Variants in COL15A1 observed in about 807,000 individuals in gnomAD.
COL15A1 encodes collagen type XV alpha 1 chain.
Under a neutral mutation model 165.9 loss-of-function variants are expected in COL15A1, and 111 were observed. The observed-to-expected ratio is 0.67, with a 90% CI of 0.57 to 0.78. COL15A1 has a LOEUF of 0.78. Ranked by LOEUF, COL15A1 falls within the 30% of genes least tolerant of loss-of-function variation. The pLI, the probability that COL15A1 is intolerant of heterozygous loss-of-function variation, is 0.00. For missense variants in COL15A1, 1,745 were observed against 1,789.7 expected (o/e 0.98, Z 0.45); for synonymous variants, 659 against 674.8 (o/e 0.98, Z 0.36).
intron 10 of COL15A1, 90 bp downstream of exon 10, chr9:99,015,656 A>T: frequency 7.8e-7 from 1 of 1,280,296 alleles, no homozygotes; most frequent in South Asian, 1.3e-5. Flanking sequence ...TGGCAGGGGC[A>T]CCTGTAGCTT....
chr9:98,945,935 C>A lies in COL15A1; in HGVS notation c.100+1685C>A, dbSNP rs1398689666. Among the ~76,000 whole-genome samples the A allele has an allele frequency of 2.0e-5, 3 of 152,122 alleles. No individual in the cohort carries two copies. The East Asian group carries it at 5.8e-4, about 29-fold the overall frequency. ...AGTGTCAGGGCTGTTGTTTCTAACA[C>A]AAAGGAAGCCCTATTCCCATTTATA... On this transcript the variant is annotated intron_variant, in intron 2 of 41. Transcript: ENST00000375001.
At chr9:99,019,511 G>A (rs373852651) in intron 11 of COL15A1, among the ~76,000 whole-genome samples, 38 of 151,926 alleles carry the variant, frequency 2.5e-4, no homozygotes, top group South Asian at 6.2e-4. Flanking sequence ...CGCTGCACCC[G>A]TCCTCTAGGA....
In COL15A1 at chr9:99,048,045, G is replaced by A. The variant is rs998227149; in HGVS notation, c.2793+45G>A. The A allele has an allele frequency of 2.0e-5, 21 of 1,068,452 alleles. No individual in the cohort carries two copies. The East Asian group carries it at 5.1e-4, about 26-fold the overall frequency. The allele number at this position is 1,068,452 out of a possible 1,614,324, so 66.2% of individuals were successfully genotyped here. On this transcript the variant is annotated intron_variant, in intron 28 of 41. Coordinates refer to ENST00000375001, the MANE Select transcript of COL15A1 (RefSeq NM_001855.5). ...GAGCCGGAGGTTGGTGTCCAGAGAG[G>A]GTGAGAGAGTGTGGGGTCCACAGAG...
chr9:99,057,656 G>A (rs1158156476), intron 35 of COL15A1, among the ~76,000 whole-genome samples: 3 of 152,210 alleles, frequency 2.0e-5, no homozygotes, highest in African/African-American at 7.2e-5. Flanking sequence ...CAGCTAATAA[G>A]TGACACCAAC....
intron 5 of COL15A1, among the ~76,000 whole-genome samples, chr9:98,992,832 T>C: frequency 6.6e-6 from 1 of 152,006 alleles, no homozygotes; most frequent in East Asian, 1.9e-4. Flanking sequence ...GCTTGGACCC[T>C]CCCCAGGACC....
intron 8 of COL15A1, 50 bp downstream of exon 8, chr9:99,003,637 G>T: frequency 2.1e-6 from 3 of 1,445,504 alleles, no homozygotes. Flanking sequence ...TGGGGTTGTG[G>T]GTTGTGTTGG....
rs762781817 is a variant in COL15A1 at position 99,069,675 on chromosome 9, C to T, written c.3956C>T (p.Pro1319Leu). ...AACATGACAAAATTACTTTATAGGCCCCAGAAAGTCATTTGGCATGGCTCC... is the reference window on the plus strand; with the variant it reads ...AACATGACAAAATTACTTTATAGGCTCCAGAAAGTCATTTGGCATGGCTCC... ...GRDIMTDPSW[P>L]QKVIWHGSSP... The change falls in exon 42 of 42, where the codon CCC becomes CTC. Residue 1319 changes from proline (P) to leucine (L), a missense_variant and splice_region_variant. Pro to Leu is a moderately conservative substitution (Grantham distance 98, BLOSUM62 -3). Transcript: ENST00000375001. 1.3e-5 allele frequency: 20 copies of T among 1,595,930 alleles called. No homozygotes were observed. The highest frequency in any genetic ancestry group is 1.6e-5 in the Non-Finnish European group (19 of 1,166,602).
In COL15A1 at chr9:99,036,903, G is replaced by C. The variant is rs1415831184; in HGVS notation, c.2409+507G>C. Reference sequence around the variant, plus strand: ...AGATCTGAAGGAAAGAAGTGTGGCTGAGCTGGGCATGCCCCTTGGTGCTTC... The same window carrying C: ...AGATCTGAAGGAAAGAAGTGTGGCTCAGCTGGGCATGCCCCTTGGTGCTTC... On this transcript the variant is annotated intron_variant, in intron 21 of 41. Transcript: ENST00000375001. Among the ~76,000 whole-genome samples the C allele has an allele frequency of 2.0e-5, 3 of 152,316 alleles. No homozygotes were observed. In the East Asian group the frequency reaches 5.8e-4, roughly 29 times the overall value.
At chr9:98,949,166 A>T (rs1046295876) in intron 2 of COL15A1, among the ~76,000 whole-genome samples, 1 of 152,150 alleles carries the variant, frequency 6.6e-6, no homozygotes, top group Non-Finnish European at 1.5e-5. Context: ...TTCATGTCTG[A>T]TTCTTTCAAT....
intron 2 of COL15A1, among the ~76,000 whole-genome samples, chr9:98,970,515 G>A (rs1209634892): frequency 2.0e-5 from 3 of 152,236 alleles, no homozygotes; most frequent in Admixed American, 6.5e-5. Flanking sequence ...CAGACTTTCT[G>A]TGGGCTCCTC....
intron 35 of COL15A1, 147 bp from the exon 36 acceptor site, chr9:99,059,742 A>G (rs1190041636): frequency 3.9e-6 from 3 of 777,200 alleles, no homozygotes; most frequent in South Asian, 1.8e-5. Context: ...CGCTGGGGGC[A>G]CAGCACCCAA....
intron 2 of COL15A1, among the ~76,000 whole-genome samples, chr9:98,950,758 G>T (rs1837674181): frequency 6.6e-6 from 1 of 151,824 alleles, no homozygotes; most frequent in Non-Finnish European, 1.5e-5. Context: ...GAGACTACAG[G>T]CATGCCCAGC....
chr9:99,020,401 CAT>C lies in COL15A1; in HGVS notation c.1661_1662del (p.His554ArgfsTer15). 6 of 1,613,282 alleles carry C rather than the reference CAT, an allele frequency of 3.7e-6. No individual in the cohort carries two copies. Among genetic ancestry groups the C allele is most frequent in the Non-Finnish European group, 5.1e-6 (6 of 1,179,246 alleles). On this transcript the variant is annotated frameshift_variant, in exon 12 of 42. Transcript: ENST00000375001. LOFTEE classifies it high-confidence loss of function. ...ERWITPAQREHVGMKGQAGPK... is the reference protein window; with the variant it reads ...ERWITPAQREXVGMKGQAGPK... ...CTTCTTCTTTTAGGCTCAAAGAGAA[CAT>C]GTGGGAATGAAAGGACAGGCTGGGC...
At chr9:99,034,478 G>T (rs977307012) in intron 16 of COL15A1, 71 bp from the exon 17 acceptor site, 7 of 1,520,232 alleles carry the variant, frequency 4.6e-6, no homozygotes, top group East Asian at 2.3e-5. Flanking sequence ...CCATAATTGT[G>T]CATTGTCTTC....
At chr9:99,015,916 A>C in intron 10 of COL15A1, 60 bp from the exon 11 acceptor site, 1 of 1,583,616 alleles carries the variant, frequency 6.3e-7, no homozygotes, top group Non-Finnish European at 8.6e-7. Flanking sequence ...GACTGTTACA[A>C]CTCCCTGGCA....
intron 23 of COL15A1, chr9:99,041,356 A>C (rs991707120): frequency 6.6e-6 from 1 of 152,238 alleles, no homozygotes; most frequent in Admixed American, 6.5e-5. Flanking sequence ...AAGTTAAAAT[A>C]GCAATAAAGT....
chr9:98,972,889 G>C (rs1396411580), intron 2 of COL15A1, among the ~76,000 whole-genome samples: 8 of 152,198 alleles, frequency 5.3e-5, no homozygotes, highest in African/African-American at 1.9e-4. Flanking sequence ...AAAGGCAATG[G>C]GCTGTAACAG....
At chr9:98,986,807 G>C (rs1838322105) in intron 3 of COL15A1, among the ~76,000 whole-genome samples, 1 of 152,184 alleles carries the variant, frequency 6.6e-6, no homozygotes, top group Non-Finnish European at 1.5e-5. Flanking sequence ...AAAACACAAA[G>C]GGCAATTTTT....
chr9:99,046,913 T>A (rs1839500146), intron 26 of COL15A1, among the ~76,000 whole-genome samples: 1 of 152,232 alleles, frequency 6.6e-6, no homozygotes, highest in Admixed American at 6.5e-5. Flanking sequence ...GTACTTTACG[T>A]ACTGACCCTG....
Sources: allele counts gnomAD v4.1 joint callset (sites outside exome capture counted in the v4.1 genomes callset), GRCh38; gene constraint gnomAD v4.1.1; transcripts MANE v1.5; gene names NCBI Gene and HGNC (gene_info 2026-07-23, HGNC 2026-07-21).